The following REEP5 variants were observed in gnomAD, a reference collection of about 807,000 sequenced individuals.
REEP5 encodes the protein receptor expression-enhancing protein 5.
In REEP5, 24 loss-of-function variants were observed where a neutral mutation model predicts 22.4. That is an observed-to-expected ratio of 1.07 (90% confidence interval 0.78 to 1.51). The LOEUF (loss-of-function observed/expected upper bound fraction) is 1.51. Ranked by LOEUF, REEP5 falls within the 40% of genes most tolerant of loss-of-function variation. REEP5 has a pLI of 0.00. For synonymous variants in REEP5, 103 were observed against 88.6 expected (o/e 1.16, Z -0.92); for missense variants, 252 against 233.0 (o/e 1.08, Z -0.53).
chr5:112,902,610 C>T (rs1449374489), intron 2 of REEP5, 92 bp from the exon 3 acceptor site: 4 of 1,221,900 alleles, frequency 3.3e-6, no homozygotes, highest in African/African-American at 1.5e-5. Flanking sequence ...TCTGATACCA[C>T]TGAGAAACTT....
intron 3 of REEP5, chr5:112,895,732 A>C (rs760000730): frequency 6.6e-6 from 1 of 152,216 alleles, no homozygotes; most frequent in Non-Finnish European, 1.5e-5. Context: ...GCCACCTCTT[A>C]CAACCCTCTC....
In REEP5 at chr5:112,878,183, A is replaced by AAAGT. The variant is rs963992580; in HGVS notation, c.*599_*602dup. 3.9e-5 allele frequency: 6 copies of AAAGT among 152,662 alleles called. No homozygotes were observed. The highest frequency in any genetic ancestry group is 1.4e-4 in the African/African-American group (6 of 41,434). 9.5% of individuals were successfully genotyped at this position (152,662 alleles called of 1,614,324 possible). On this transcript the variant is annotated 3_prime_UTR_variant, in exon 5 of 5. Coordinates refer to ENST00000379638, the MANE Select transcript of REEP5 (RefSeq NM_005669.5). The stretch of plus-strand genomic sequence containing the variant: ...CTTGCATATTAATCACGTATTTCCT[A>AAAGT]AAGTATTATTTAGTAGACCACACCA...
intron 2 of REEP5, among the ~76,000 whole-genome samples, chr5:112,918,267 T>C (rs912588579): frequency 6.6e-5 from 10 of 152,004 alleles, no homozygotes; most frequent in African/African-American, 1.2e-4. Context: ...AAGAGGGGTA[T>C]ACAATAAGGT....
chr5:112,922,147 TCGTGCAGGAAC>T lies in REEP5; in HGVS notation c.33_43del (p.Phe12GlufsTer6). 6.2e-7 allele frequency: 1 copy of T among 1,608,178 alleles called. No homozygotes were observed. ...CAGAAGGTCAGTCATGCAGTTCTTC[TCGTGCAGGAAC>T]CGGTCGAACCTCTCCCTCATGGCCG... On this transcript the variant is annotated frameshift_variant, in exon 1 of 5. Transcript: ENST00000379638. LOFTEE classifies it high-confidence loss of function.
intron 2 of REEP5, among the ~76,000 whole-genome samples, chr5:112,913,925 T>C (rs1029091335): frequency 6.6e-6 from 1 of 151,730 alleles, no homozygotes; most frequent in Non-Finnish European, 1.5e-5. Context: ...TGTGTTTGTG[T>C]GTGTGTGTGT....
intron 4 of REEP5, among the ~76,000 whole-genome samples, chr5:112,886,001 G>GGC (rs1452554302): frequency 6.6e-6 from 1 of 152,192 alleles, no homozygotes; most frequent in African/African-American, 2.4e-5. Context: ...TGGGTATGAG[G>GGC]GCTCCCCTTT....
At chr5:112,903,477 C>T (rs1476227048) in intron 2 of REEP5, among the ~76,000 whole-genome samples, 2 of 152,172 alleles carry the variant, frequency 1.3e-5, no homozygotes, top group Non-Finnish European at 2.9e-5. Flanking sequence ...ACATTGGGTA[C>T]AGTGTACCCT....
chr5:112,921,375 A>C, intron 1 of REEP5, 119 bp from the exon 2 acceptor site: 1 of 942,398 alleles, frequency 1.1e-6, no homozygotes, highest in Non-Finnish European at 1.7e-6. Context: ...ACTCGATTAA[A>C]GGAGCGAGAA....
chr5:112,878,775 T>C lies in REEP5; in HGVS notation c.*11A>G, dbSNP rs753760144. On this transcript the variant is annotated 3_prime_UTR_variant, in exon 5 of 5. Coordinates refer to ENST00000379638, the MANE Select transcript of REEP5 (RefSeq NM_005669.5). ...GTACAGAGAGGGCAGGAAGTTTCCA[T>C]CCAGTCTGGTTTAGGTGCTCTTCTT... 9.9e-6 allele frequency: 16 copies of C among 1,614,114 alleles called. No individual in the cohort carries two copies. The South Asian group carries it at 1.6e-4, about 17-fold the overall frequency.
intron 3 of REEP5, chr5:112,893,094 T>TAAAAAAAA (rs552226372): frequency 3.6e-4 from 180 of 501,292 alleles, no homozygotes; most frequent in Middle Eastern, 6.7e-4. Flanking sequence ...GTTTTGTTCT[T>TAAAAAAAA]AAAAAAAAAA....
At position 112,877,357 on chromosome 5, in the gene REEP5, A is replaced by G. The variant is rs1767929273; in HGVS notation, c.*1429T>C. The G allele has an allele frequency of 6.6e-6, 1 of 152,196 alleles. No individual in the cohort carries two copies. The highest frequency in any genetic ancestry group is 1.5e-5 in the Non-Finnish European group (1 of 68,034). The allele number at this position is 152,196 out of a possible 1,614,324, so 9.4% of individuals were successfully genotyped here. A position where few individuals can be genotyped will look rare whatever the true frequency, so the allele number is the denominator to read the frequency against. ...GATATTTAATCTTGTTAGTTTAGTTATACACTTGTTTTAGTCGAGTTTAAT... is the reference window on the plus strand; with the variant it reads ...GATATTTAATCTTGTTAGTTTAGTTGTACACTTGTTTTAGTCGAGTTTAAT... On this transcript the variant is annotated 3_prime_UTR_variant, in exon 5 of 5. Transcript: ENST00000379638.
chr5:112,910,517 G>A (rs901311603), intron 2 of REEP5, among the ~76,000 whole-genome samples: 70 of 152,276 alleles, frequency 4.6e-4, no homozygotes, highest in African/African-American at 1.6e-3. Context: ...TATAATACCA[G>A]ATTTTTAAAA....
intron 2 of REEP5, among the ~76,000 whole-genome samples, chr5:112,903,265 C>G (rs1165921807): frequency 1.3e-5 from 2 of 152,180 alleles, no homozygotes; most frequent in South Asian, 2.1e-4. Flanking sequence ...CTTATCCTAA[C>G]AGATCTAGAT....
rs1768278454 is a variant in REEP5, at chr5:112,887,136, A to G, written c.399T>C (p.Ala133=). 6.2e-7 allele frequency: 1 copy of G among 1,612,724 alleles called. No individual in the cohort carries two copies. Among genetic ancestry groups the G allele is most frequent in the Non-Finnish European group, 8.5e-7 (1 of 1,179,410 alleles). ...GGATGATGCGCTTGTAGAGCAGTTC[A>G]GCCCCATTAGAAGGGCTCGGGGCCA... ...WCMAPSPSNG[A]ELLYKRIIRP... Residue 133 remains alanine (A), a synonymous_variant, in exon 4 of 5, where the codon GCT becomes GCC. Coordinates refer to ENST00000379638, the MANE Select transcript of REEP5 (RefSeq NM_005669.5).
At chr5:112,905,563 A>C (rs818782) in intron 2 of REEP5, among the ~76,000 whole-genome samples, 60,391 of 147,382 alleles carry the variant, frequency 0.41, 12,749 homozygotes, top group Non-Finnish European at 0.43. Context: ...AAACAAAAAA[A>C]AAACAAACTT....
rs1047059353 is a variant in REEP5 at position 112,908,101 on chromosome 5, GTTT to G, written c.213-5586_213-5584del. On this transcript the variant is annotated intron_variant, in intron 2 of 4. Coordinates refer to ENST00000379638, the MANE Select transcript of REEP5 (RefSeq NM_005669.5). ...GCATCAGAGACTTTCTTTGTTTTTT[GTTT>G]TTTTTTTTTTTTTTTGATGGAGTCT... Among the ~76,000 whole-genome samples the G allele has an allele frequency of 1.3e-3, 108 of 83,912 alleles. 2 individuals carry two copies. The highest frequency in any genetic ancestry group is 3.7e-3 in the African/African-American group (97 of 26,426). 55.0% of individuals were successfully genotyped at this position (83,912 alleles called of 152,430 possible).
Position 112,901,808 on chromosome 5 carries a change from C to G in REEP5, c.351+572G>C, listed in dbSNP as rs143640277. Among the ~76,000 whole-genome samples, 1,376 of 150,922 alleles carry G rather than the reference C, an allele frequency of 9.1e-3. 22 individuals carry two copies. Among genetic ancestry groups the G allele is most frequent in the African/African-American group, 0.032 (1,324 of 41,134 alleles). ...ACCAACCCTGTCTCTACTAAAAATACAAAAATTAGCCAAGCATGGTGGTGG... is the reference window on the plus strand; with the variant it reads ...ACCAACCCTGTCTCTACTAAAAATAGAAAAATTAGCCAAGCATGGTGGTGG... On this transcript the variant is annotated intron_variant, in intron 3 of 4. Transcript: ENST00000379638.
chr5:112,891,603 G>A (rs771952927), intron 3 of REEP5: 11 of 1,565,566 alleles, frequency 7.0e-6, no homozygotes, highest in African/African-American at 1.4e-5. Flanking sequence ...ATTCCCATAG[G>A]TTAAGAATGT....
chr5:112,891,614 C>T (rs1460303140), intron 3 of REEP5: 15 of 1,577,050 alleles, frequency 9.5e-6, no homozygotes, highest in Middle Eastern at 3.3e-4. Flanking sequence ...TTAAGAATGT[C>T]TGAGGGGTCA....
Sources: allele counts gnomAD v4.1 joint callset (sites outside exome capture counted in the v4.1 genomes callset), GRCh38; gene constraint gnomAD v4.1.1; transcripts MANE v1.5; gene names NCBI Gene and HGNC (gene_info 2026-07-23, HGNC 2026-07-21).